The following CALN1 variants were observed in gnomAD, a reference collection of about 807,000 sequenced individuals.
CALN1 encodes calcium-binding protein 8.
In CALN1, 17 loss-of-function variants were observed where a neutral mutation model predicts 30.6. The observed-to-expected ratio is 0.56, with a 90% CI of 0.38 to 0.83. The LOEUF (loss-of-function observed/expected upper bound fraction) is 0.83, where lower values mean the gene tolerates loss of function less well. Among genes scored for constraint, CALN1 ranks in the 40% least tolerant of loss-of-function variants. CALN1 has a pLI of 0.00. For missense variants in CALN1, 291 were observed against 354.9 expected (o/e 0.82, Z 1.45); for synonymous variants, 156 against 131.4 (o/e 1.19, Z -1.28).
At chr7:71,996,497 C>T (rs1309487122) in intron 5 of CALN1, among the ~76,000 whole-genome samples, 1 of 152,186 alleles carries the variant, frequency 6.6e-6, no homozygotes, top group Non-Finnish European at 1.5e-5. Flanking sequence ...GTTTTCTGTA[C>T]CTGAGTTAGT....
At chr7:71,920,737 C>G (rs1794903244) in intron 5 of CALN1, among the ~76,000 whole-genome samples, 1 of 152,084 alleles carries the variant, frequency 6.6e-6, no homozygotes, top group Non-Finnish European at 1.5e-5. Context: ...CTGACACATA[C>G]CTGATTAAAC....
intron 3 of CALN1, among the ~76,000 whole-genome samples, chr7:72,212,376 G>T (rs962333343): frequency 9.9e-5 from 15 of 151,040 alleles, no homozygotes; most frequent in East Asian, 9.8e-4. Context: ...AATACCAGAG[G>T]GGGGAAGAAT....
chr7:72,332,084 T>C (rs190540295), intron 2 of CALN1, among the ~76,000 whole-genome samples: 1 of 152,306 alleles, frequency 6.6e-6, no homozygotes. Context: ...CCACGTTTTC[T>C]TTATCCAGTC....
At chr7:72,171,128 A>G (rs897714587) in intron 3 of CALN1, among the ~76,000 whole-genome samples, 2 of 152,174 alleles carry the variant, frequency 1.3e-5, no homozygotes, top group Non-Finnish European at 2.9e-5. Context: ...ACTGCACTCC[A>G]GCCTGGGTGA....
At chr7:72,212,461 C>T (rs569764) in intron 3 of CALN1, among the ~76,000 whole-genome samples, 1 of 151,968 alleles carries the variant, frequency 6.6e-6, no homozygotes, top group Admixed American at 6.6e-5. Context: ...TGAAACTATT[C>T]CAAAATATCT....
At chr7:72,061,598 T>G (rs1803652201) in intron 4 of CALN1, among the ~76,000 whole-genome samples, 1 of 151,426 alleles carries the variant, frequency 6.6e-6, no homozygotes, top group Admixed American at 6.6e-5. Flanking sequence ...GAAGAGCTAG[T>G]GAATTTGAAG....
intron 3 of CALN1, among the ~76,000 whole-genome samples, chr7:72,162,827 G>A (rs570509072): frequency 6.6e-6 from 1 of 152,222 alleles, no homozygotes; most frequent in Non-Finnish European, 1.5e-5. Context: ...GAGCCATGAG[G>A]TGGTTAGAAC....
chr7:71,885,974 G>A (rs367623740), intron 5 of CALN1, among the ~76,000 whole-genome samples: 2 of 152,168 alleles, frequency 1.3e-5, no homozygotes, highest in African/African-American at 2.4e-5. Context: ...ACAATGAGCC[G>A]ATTTAATTCC....
chr7:72,105,677 G>A (rs1807039179), intron 4 of CALN1, among the ~76,000 whole-genome samples: 2 of 150,520 alleles, frequency 1.3e-5, no homozygotes, highest in African/African-American at 4.9e-5. Context: ...CACTTTAAAT[G>A]TGTGAATTTT....
chr7:72,145,993 T>C (rs1786686858), intron 3 of CALN1, among the ~76,000 whole-genome samples: 1 of 152,198 alleles, frequency 6.6e-6, no homozygotes, highest in Admixed American at 6.5e-5. Flanking sequence ...GAGCTATCTA[T>C]GACAAACCCA....
chr7:72,043,102 G>C (rs1375319343), intron 4 of CALN1, among the ~76,000 whole-genome samples: 1 of 152,196 alleles, frequency 6.6e-6, no homozygotes, highest in Non-Finnish European at 1.5e-5. Flanking sequence ...GTGACACAAG[G>C]TAGGGTCCTT....
chr7:71,976,907 C>CTT (rs1373822666), intron 5 of CALN1, among the ~76,000 whole-genome samples: 5 of 152,152 alleles, frequency 3.3e-5, no homozygotes, highest in African/African-American at 1.2e-4. Context: ...AACCCGTGAG[C>CTT]TAACATGAAG....
chr7:72,427,758 G>A (rs1807843965), intron 1 of CALN1, among the ~76,000 whole-genome samples: 1 of 152,030 alleles, frequency 6.6e-6, no homozygotes, highest in African/African-American at 2.4e-5. Flanking sequence ...TGGGGTTACA[G>A]GTAGGAGCCA....
At chr7:72,336,626 A>C in intron 2 of CALN1, 3 of 923,140 alleles carry the variant, frequency 3.2e-6, no homozygotes, top group Non-Finnish European at 3.9e-6. Flanking sequence ...TGGACACCCT[A>C]GAGAGAAGCG....
At chr7:72,394,874 T>C (rs1232381423) in intron 2 of CALN1, among the ~76,000 whole-genome samples, 1 of 152,016 alleles carries the variant, frequency 6.6e-6, no homozygotes, top group Non-Finnish European at 1.5e-5. Context: ...CCCGGGCTGG[T>C]CTCAAACTGC....
chr7:72,150,667 GA>G (rs1787161166), intron 3 of CALN1, among the ~76,000 whole-genome samples: 1 of 152,188 alleles, frequency 6.6e-6, no homozygotes, highest in Non-Finnish European at 1.5e-5. Flanking sequence ...GAGGGGCTGA[GA>G]AAGGCTACAT....
chr7:72,377,916 T>C (rs1804663475), intron 2 of CALN1, among the ~76,000 whole-genome samples: 2 of 152,138 alleles, frequency 1.3e-5, no homozygotes, highest in African/African-American at 2.4e-5. Context: ...GGAATGAGTG[T>C]TAACTTCTAA....
intron 1 of CALN1, among the ~76,000 whole-genome samples, chr7:72,435,102 G>C (rs1452272572): frequency 6.6e-6 from 1 of 152,148 alleles, no homozygotes; most frequent in Non-Finnish European, 1.5e-5. Flanking sequence ...GGATATGGTG[G>C]CATGTGCCTG....
At chr7:72,168,380 A>AT (rs1457277286) in intron 3 of CALN1, among the ~76,000 whole-genome samples, 1 of 152,232 alleles carries the variant, frequency 6.6e-6, no homozygotes, top group African/African-American at 2.4e-5. Flanking sequence ...TTAAAAAGTT[A>AT]TTCAAGATGC....
Sources: allele counts gnomAD v4.1 joint callset (sites outside exome capture counted in the v4.1 genomes callset), GRCh38; gene constraint gnomAD v4.1.1; transcripts MANE v1.5; gene names NCBI Gene and HGNC (gene_info 2026-07-23, HGNC 2026-07-21).